DNAH17: variants seen among roughly 807,000 people sequenced by gnomAD.
DNAH17 encodes the protein axonemal beta dynein heavy chain 17.
DNAH17 carries 376 observed loss-of-function variants against 485.6 expected under a neutral mutation model. The ratio of observed to expected loss-of-function variants is 0.77; its 90% CI spans 0.71 to 0.84. The LOEUF is 0.84. Among genes scored for constraint, DNAH17 ranks in the 40% least tolerant of loss-of-function variants. The probability of loss-of-function intolerance (pLI) is 0.00; values close to 1 mark genes in which losing one functional copy is unlikely to be tolerated. For synonymous variants in DNAH17, 3,031 were observed against 2,405.9 expected (o/e 1.26, Z -7.60); for missense variants, 6,370 against 5,839.3 (o/e 1.09, Z -2.96).
At chr17:78,553,700 A>T (rs561363532) in intron 14 of DNAH17, among the ~76,000 whole-genome samples, 1 of 152,272 alleles carries the variant, frequency 6.6e-6, no homozygotes, top group South Asian at 2.1e-4. Flanking sequence ...ATCACTGAGG[A>T]TTTATGTACG....
chr17:78,528,349 T>A (rs2091133419), intron 22 of DNAH17, among the ~76,000 whole-genome samples: 1 of 152,078 alleles, frequency 6.6e-6, no homozygotes, highest in African/African-American at 2.4e-5. Flanking sequence ...CAGCCTTGAC[T>A]TCCTGGGCTC....
chr17:78,494,236 A>AGGCTGGGG lies in DNAH17; in HGVS notation c.6271-71_6271-64dup, dbSNP rs201388001. 2,167 of 1,565,730 alleles carry AGGCTGGGG rather than the reference A, an allele frequency of 1.4e-3. 30 individuals carry two copies. The East Asian group carries it at 0.031, about 22-fold the overall frequency. ...GCAGCTTTTCTTTCTTCTCGCTGGG[A>AGGCTGGGG]GGCTGGGGGGCTTCCTGCCCCGTGG... On this transcript the variant is annotated intron_variant, in intron 40 of 80. Coordinates refer to ENST00000389840, the MANE Select transcript of DNAH17 (RefSeq NM_173628.4).
Position 78,510,526 on chromosome 17 carries a change from G to A in DNAH17, c.4114-20C>T. The stretch of plus-strand genomic sequence containing the variant: ...TTTCACCTAAGGGAAAAAAATCCAG[G>A]CAGGATTCATTTCAGGTCATGTGCA... On this transcript the variant is annotated intron_variant, in intron 26 of 80. Transcript: ENST00000389840. The A allele has an allele frequency of 1.2e-6, 2 of 1,612,968 alleles. No homozygotes were observed. The highest frequency in any genetic ancestry group is 8.5e-7 in the Non-Finnish European group (1 of 1,179,156).
chr17:78,451,631 CT>C lies in DNAH17; in HGVS notation c.10571del (p.Lys3524SerfsTer4), dbSNP rs745525261. 97 of 1,597,368 alleles carry C rather than the reference CT, an allele frequency of 6.1e-5. No individual in the cohort carries two copies. The highest frequency in any genetic ancestry group is 8.2e-5 in the Non-Finnish European group (96 of 1,171,944). Reference protein sequence around the residue: ...IGDKEVEYHPKFRLILHTKYF... With the variant: ...IGDKEVEYHPXFRLILHTKYF... ...ACTTGGTGTGTAGGATCAGGCGGAACTTGGGGTGGTACTCCACCTCCTTGTC... is the reference window on the plus strand; with the variant it reads ...ACTTGGTGTGTAGGATCAGGCGGAACTGGGGTGGTACTCCACCTCCTTGTC... On this transcript the variant is annotated frameshift_variant, in exon 66 of 81. Coordinates refer to ENST00000389840, the MANE Select transcript of DNAH17 (RefSeq NM_173628.4). LOFTEE classifies it high-confidence loss of function.
intron 55 of DNAH17, 146 bp from the exon 56 acceptor site, chr17:78,466,962 G>A (rs569465184): frequency 2.6e-6 from 2 of 761,896 alleles, no homozygotes; most frequent in Non-Finnish European, 3.9e-6. Context: ...CCTGGTTCTG[G>A]GTTTGAAGGG....
At position 78,567,243 on chromosome 17, in the gene DNAH17, C is replaced by A. The variant is rs146776712; in HGVS notation, c.1285-77G>T. The A allele has an allele frequency of 1.2e-5, 18 of 1,502,394 alleles. No individual in the cohort carries two copies. In the South Asian group the frequency reaches 1.5e-4, roughly 12 times the overall value. The allele number at this position is 1,502,394 out of a possible 1,614,324, so 93.1% of individuals were successfully genotyped here. The stretch of plus-strand genomic sequence containing the variant: ...GTCCAGTTACAAAACTAGCTCTGAC[C>A]CCAGGCAGGAGGAGCTGGGGAGCAA... On this transcript the variant is annotated intron_variant, in intron 9 of 80. Transcript: ENST00000389840.
At chr17:78,474,650 C>T (rs2088922707) in intron 54 of DNAH17, among the ~76,000 whole-genome samples, 1 of 148,300 alleles carries the variant, frequency 6.7e-6, no homozygotes. Context: ...TTGTGTCCAT[C>T]GAGTAGTTGA....
intron 14 of DNAH17, among the ~76,000 whole-genome samples, chr17:78,555,337 C>A (rs555023365): frequency 3.0e-4 from 45 of 152,002 alleles, no homozygotes; most frequent in Non-Finnish European, 5.4e-4. Context: ...TCAGAACACA[C>A]CTCTTTAGTG....
At chr17:78,464,587 G>C (rs964983085) in intron 56 of DNAH17, among the ~76,000 whole-genome samples, 5 of 152,246 alleles carry the variant, frequency 3.3e-5, no homozygotes, top group Non-Finnish European at 5.9e-5. Context: ...AATGAAAAGA[G>C]ACTGCAAGAG....
At chr17:78,500,619 A>G in intron 35 of DNAH17, 158 bp from the exon 36 acceptor site, 2 of 638,648 alleles carry the variant, frequency 3.1e-6, no homozygotes, top group Non-Finnish European at 4.8e-6. Flanking sequence ...AATGATTCTC[A>G]TGCCTCAGCC....
intron 11 of DNAH17, among the ~76,000 whole-genome samples, chr17:78,564,827 A>C (rs77183018): frequency 0.012 from 1,789 of 152,288 alleles, 44 homozygotes; most frequent in African/African-American, 0.04. Context: ...ATACAAATGA[A>C]TATGAGGGAA....
chr17:78,460,237 CT>C lies in DNAH17; in HGVS notation c.9359del (p.Lys3120ArgfsTer24). 1.2e-6 allele frequency: 2 copies of C among 1,603,020 alleles called. No individual in the cohort carries two copies. The highest frequency in any genetic ancestry group is 8.5e-7 in the Non-Finnish European group (1 of 1,174,050). On this transcript the variant is annotated frameshift_variant, in exon 59 of 81. Coordinates refer to ENST00000389840, the MANE Select transcript of DNAH17 (RefSeq NM_173628.4). LOFTEE classifies it high-confidence loss of function. ...VINKNVTEKQKACETDLAKAE... is the reference protein window; with the variant it reads ...VINKNVTEKQXACETDLAKAE... ...CTTTGGCCAGGTCTGTTTCACAGGC[CT>C]TTTGCTTCTCAGTGACGTTCTGGAA...
chr17:78,460,265 G>A lies in DNAH17; in HGVS notation c.9340-8C>T, dbSNP rs538732379. On this transcript the variant is annotated splice_polypyrimidine_tract_variant and splice_region_variant and intron_variant, in intron 58 of 80. Transcript: ENST00000389840. The stretch of plus-strand genomic sequence containing the variant: ...TTGCTTCTCAGTGACGTTCTGGAAG[G>A]AAGATGGACAGGAGAGGTTACTGCA... The A allele has an allele frequency of 1.4e-5, 22 of 1,589,716 alleles. 1 individual carries two copies. In the African/African-American group the frequency reaches 1.5e-4, roughly 11 times the overall value.
At position 78,429,211 on chromosome 17, in the gene DNAH17, G is replaced by C. The variant is rs779283024; in HGVS notation, c.12315C>G (p.Thr4105=). ...CCGTCCGGATGTATTCAGCCAGGTA[G>C]GTCCTGCACAGCCGACGGTCCCAGT... ...TDDWDRRLCR[T]YLAEYIRTEM... The change falls in exon 76 of 81, where the codon ACC becomes ACG. Residue 4105 remains threonine, a synonymous_variant. Transcript: ENST00000389840. The C allele has an allele frequency of 6.2e-7, 1 of 1,613,892 alleles. No homozygotes were observed. The highest frequency in any genetic ancestry group is 1.1e-5 in the South Asian group (1 of 91,090).
rs181766670 is a variant in DNAH17, at chr17:78,435,087, T to C, written c.12034-867A>G. Among the ~76,000 whole-genome samples the C allele has an allele frequency of 4.9e-3, 753 of 152,232 alleles. 1 individual carries two copies. Among genetic ancestry groups the C allele is most frequent in the Non-Finnish European group, 7.7e-3 (522 of 67,996 alleles). ...GGGGTTCCATCACTCGAGTATCCCC[T>C]CCTGGCTGCCTGGGACAGAGACGAT... On this transcript the variant is annotated intron_variant, in intron 74 of 80. Coordinates refer to ENST00000389840, the MANE Select transcript of DNAH17 (RefSeq NM_173628.4).
Position 78,450,827 on chromosome 17 carries a change from T to A in DNAH17, c.10754A>T (p.Gln3585Leu). The A allele has an allele frequency of 6.2e-7, 1 of 1,613,976 alleles. No individual in the cohort carries two copies. Among genetic ancestry groups the A allele is most frequent in the Non-Finnish European group, 8.5e-7 (1 of 1,179,872 alleles). ...EQLKANLTKSQNEFKIVLKEL... is the reference protein window; with the variant it reads ...EQLKANLTKSLNEFKIVLKEL... ...TTTCAGAACAATCTTAAATTCGTTTTGAGACTTGGTGAGGTTTGCCTGCAA... is the reference window on the plus strand; with the variant it reads ...TTTCAGAACAATCTTAAATTCGTTTAGAGACTTGGTGAGGTTTGCCTGCAA... Residue 3585 changes from glutamine to leucine, a missense_variant, in exon 67 of 81, where the codon CAA (glutamine) becomes CTA (leucine). Coordinates refer to ENST00000389840, the MANE Select transcript of DNAH17 (RefSeq NM_173628.4).
At chr17:78,546,531 A>G (rs763569546) in intron 16 of DNAH17, among the ~76,000 whole-genome samples, 18 of 152,178 alleles carry the variant, frequency 1.2e-4, no homozygotes, top group Non-Finnish European at 2.4e-4. Flanking sequence ...ACTGATTTGG[A>G]TAGGAGAAAT....
chr17:78,523,665 G>C (rs550545843), intron 25 of DNAH17, among the ~76,000 whole-genome samples: 2 of 152,386 alleles, frequency 1.3e-5, no homozygotes, highest in East Asian at 1.9e-4. Flanking sequence ...CAGCACTTTA[G>C]AAGGCTGAGA....
At chr17:78,479,390 A>G in intron 50 of DNAH17, 95 bp downstream of exon 50, 1 of 1,373,008 alleles carries the variant, frequency 7.3e-7, no homozygotes, top group Non-Finnish European at 9.6e-7. Flanking sequence ...TAGAATTATA[A>G]ATAAAATATT....
Sources: allele counts gnomAD v4.1 joint callset (sites outside exome capture counted in the v4.1 genomes callset), GRCh38; gene constraint gnomAD v4.1.1; transcripts MANE v1.5; gene names NCBI Gene and HGNC (gene_info 2026-07-23, HGNC 2026-07-21).